The following DDX6 variants were observed in gnomAD, a reference collection of about 807,000 sequenced individuals.
DDX6 encodes probable ATP-dependent RNA helicase DDX6.
Under a neutral mutation model 60.6 loss-of-function variants are expected in DDX6, and 7 were observed. The observed-to-expected ratio is 0.12, with a 90% CI of 0.07 to 0.22. The LOEUF (loss-of-function observed/expected upper bound fraction) is 0.22, where lower values mean the gene tolerates loss of function less well. DDX6 is among the 10% of genes least tolerant of loss of function. DDX6 has a pLI of 1.00. For missense variants in DDX6, 270 were observed against 589.9 expected (o/e 0.46, Z 5.62); for synonymous variants, 207 against 201.0 (o/e 1.03, Z -0.25).
chr11:118,766,179 C>A (rs571215679), intron 5 of DDX6, among the ~76,000 whole-genome samples: 2 of 152,070 alleles, frequency 1.3e-5, no homozygotes, highest in African/African-American at 4.8e-5. Flanking sequence ...AGAATCCCAG[C>A]ACTTTTGGAG....
At chr11:118,760,713 C>T (rs1476656768) in intron 7 of DDX6, among the ~76,000 whole-genome samples, 2 of 149,748 alleles carry the variant, frequency 1.3e-5, no homozygotes, top group Admixed American at 1.3e-4. Flanking sequence ...CCCAGGTACT[C>T]GGGAGGCTGG....
intron 13 of DDX6, 132 bp downstream of exon 13, chr11:118,754,573 G>A (rs531475859): frequency 2.0e-5 from 15 of 732,210 alleles, no homozygotes; most frequent in Non-Finnish European, 2.8e-5. Flanking sequence ...ATTATTTACT[G>A]TCATTTATGC....
chr11:118,763,185 G>T, intron 7 of DDX6, 27 bp downstream of exon 7: 1 of 1,515,940 alleles, frequency 6.6e-7, no homozygotes, highest in Non-Finnish European at 9.0e-7. Context: ...GTACAGAACA[G>T]TATAATGCCA....
intron 4 of DDX6, among the ~76,000 whole-genome samples, chr11:118,778,680 A>G (rs1861784221): frequency 6.6e-6 from 1 of 152,098 alleles, no homozygotes; most frequent in Non-Finnish European, 1.5e-5. Flanking sequence ...CAGTAATTAT[A>G]GAAGGGAAAA....
In DDX6 at chr11:118,755,364, A is replaced by T. The variant is rs782777971; in HGVS notation, c.1276+38T>A. ...ATTTAGTCATTACACGCCTCAAAAAAGAACTTCTACCAAGAATATCACCTC... is the reference window on the plus strand; with the variant it reads ...ATTTAGTCATTACACGCCTCAAAAATGAACTTCTACCAAGAATATCACCTC... On this transcript the variant is annotated intron_variant, in intron 12 of 13. Coordinates refer to ENST00000534980, the MANE Select transcript of DDX6 (RefSeq NM_004397.6). The T allele has an allele frequency of 1.3e-5, 17 of 1,339,254 alleles. No individual in the cohort carries two copies. In the East Asian group the frequency reaches 3.7e-4, roughly 29 times the overall value. 83.0% of individuals were successfully genotyped at this position (1,339,254 alleles called of 1,614,324 possible).
chr11:118,774,666 C>T (rs1591912875), intron 4 of DDX6, among the ~76,000 whole-genome samples: 2 of 152,062 alleles, frequency 1.3e-5, no homozygotes, highest in African/African-American at 2.4e-5. Flanking sequence ...TCAAGCAATC[C>T]ACCCACCTTG....
At chr11:118,772,252 A>G (rs1019767019) in intron 4 of DDX6, among the ~76,000 whole-genome samples, 8 of 152,174 alleles carry the variant, frequency 5.3e-5, no homozygotes, top group African/African-American at 1.7e-4. Context: ...AACAACCCCA[A>G]ATGTCTACCA....
In DDX6 at chr11:118,765,279, T is replaced by G. The variant is rs906779000; in HGVS notation, c.576A>C (p.Gly192=). Residue 192 remains glycine (G), a synonymous_variant, in exon 6 of 14, where the codon GGA becomes GGC. Coordinates refer to ENST00000534980, the MANE Select transcript of DDX6 (RefSeq NM_004397.6). Reference sequence around the variant, plus strand: ...CTGTGGTTGCCATCACTTTGGCCCCTCCCATGTGTTTGCTGACCTGGATGC... The same window carrying G: ...CTGTGGTTGCCATCACTTTGGCCCCGCCCATGTGTTTGCTGACCTGGATGC... ...QICIQVSKHM[G]GAKVMATTGG... is the part of the protein sequence containing the mutation. The G allele has an allele frequency of 6.2e-7, 1 of 1,613,544 alleles. No homozygotes were observed. The highest frequency in any genetic ancestry group is 1.3e-5 in the African/African-American group (1 of 75,026).
At chr11:118,752,304 T>C (rs1860803729) in intron 13 of DDX6, among the ~76,000 whole-genome samples, 1 of 152,198 alleles carries the variant, frequency 6.6e-6, no homozygotes, top group Non-Finnish European at 1.5e-5. Flanking sequence ...GTGAATGTTC[T>C]GATAGCAGGC....
At chr11:118,766,542 G>A (rs1216487365) in intron 5 of DDX6, among the ~76,000 whole-genome samples, 5 of 152,132 alleles carry the variant, frequency 3.3e-5, no homozygotes, top group Admixed American at 1.3e-4. Flanking sequence ...CTATTATAGT[G>A]TCCCAGATTT....
At chr11:118,773,692 T>C (rs1241796286) in intron 4 of DDX6, among the ~76,000 whole-genome samples, 7 of 151,634 alleles carry the variant, frequency 4.6e-5, no homozygotes, top group African/African-American at 9.7e-5. Context: ...AATTTCTAAT[T>C]ATATCTCTAA....
At chr11:118,754,952 T>C (rs1555158370) in intron 12 of DDX6, 65 bp from the exon 13 acceptor site, 25 of 1,409,840 alleles carry the variant, frequency 1.8e-5, no homozygotes, top group Non-Finnish European at 2.1e-5. Flanking sequence ...ATTGTGCAAG[T>C]CAAGCAGTGG....
At chr11:118,783,942 G>T (rs2508916) in intron 2 of DDX6, among the ~76,000 whole-genome samples, 1 of 151,072 alleles carries the variant, frequency 6.6e-6, no homozygotes, top group East Asian at 1.9e-4. Context: ...ATGACAAAAC[G>T]CCGTCGCTAC....
At chr11:118,788,741 G>C (rs940946491) in intron 1 of DDX6, 9 of 152,114 alleles carry the variant, frequency 5.9e-5, no homozygotes, top group Non-Finnish European at 1.2e-4. Flanking sequence ...CCAGAGTGGA[G>C]TGCAGTAGCC....
intron 4 of DDX6, 107 bp downstream of exon 4, chr11:118,779,525 C>T: frequency 8.9e-6 from 6 of 677,462 alleles, no homozygotes; most frequent in East Asian, 2.9e-5. Context: ...AGTGTGTATA[C>T]GTGAGAGAGA....
intron 4 of DDX6, among the ~76,000 whole-genome samples, chr11:118,777,915 C>CAAAAAAAAAA (rs1491293893): frequency 8.9e-6 from 1 of 112,648 alleles, no homozygotes; most frequent in East Asian, 2.5e-4. Flanking sequence ...AAAAAAAAAA[C>CAAAAAAAAAA]CAAGAAAGTA....
chr11:118,754,496 C>T (rs1346106749), intron 13 of DDX6: 9 of 464,270 alleles, frequency 1.9e-5, no homozygotes, highest in South Asian at 1.2e-4. Context: ...CCACATTACC[C>T]GGGAAGCTGC....
upstream of DDX6, chr11:118,791,631 A>G (rs5006102): frequency 6.6e-6 from 1 of 151,974 alleles, no homozygotes; most frequent in Admixed American, 6.5e-5. Context: ...TGACTTCTCC[A>G]GCTGGCCGGG....
rs386375042 is a variant in DDX6, at chr11:118,749,358, GAAAAA to G, written c.*2742_*2746del. ...TTATTATGAGGGCCCAAAAAAGAAA[GAAAAA>G]AAAAAAAAAAAAAAAAAAGACCAGG... On this transcript the variant is annotated 3_prime_UTR_variant, in exon 14 of 14. Coordinates refer to ENST00000534980, the MANE Select transcript of DDX6 (RefSeq NM_004397.6). The G allele has an allele frequency of 5.0e-4, 46 of 91,788 alleles. No individual in the cohort carries two copies. Among genetic ancestry groups the G allele is most frequent in the South Asian group, 3.0e-3 (7 of 2,338 alleles). 5.7% of individuals were successfully genotyped at this position (91,788 alleles called of 1,614,324 possible). A position where few individuals can be genotyped will look rare whatever the true frequency, so the allele number is the denominator to read the frequency against.
Sources: allele counts gnomAD v4.1 joint callset (sites outside exome capture counted in the v4.1 genomes callset), GRCh38; gene constraint gnomAD v4.1.1; transcripts MANE v1.5; gene names NCBI Gene and HGNC (gene_info 2026-07-23, HGNC 2026-07-21).